Variants in MNAT1 observed in about 807,000 individuals in gnomAD.
MNAT1 encodes the protein CDK-activating kinase assembly factor MAT1.
In MNAT1, 43 loss-of-function variants were observed where a neutral mutation model predicts 42.0. That is an observed-to-expected ratio of 1.02 (90% CI 0.80 to 1.32). The LOEUF (loss-of-function observed/expected upper bound fraction) is 1.32, where lower values mean the gene tolerates loss of function less well. Ranked by LOEUF, MNAT1 falls within the 40% of genes most tolerant of loss-of-function variation. The probability of loss-of-function intolerance (pLI) is 0.00; values close to 1 mark genes in which losing one functional copy is unlikely to be tolerated. For missense variants in MNAT1, 306 were observed against 350.4 expected, an observed-to-expected ratio of 0.87 and a Z score of 1.01; for synonymous variants, 118 against 120.0, an observed-to-expected ratio of 0.98 and a Z score of 0.11.
intron 3 of MNAT1, among the ~76,000 whole-genome samples, chr14:60,799,693 T>TA (rs199618525): frequency 0.019 from 2,821 of 149,506 alleles, 79 homozygotes; most frequent in African/African-American, 0.061. Context: ...GAGCTATGAT[T>TA]AAAAAAATAT....
At chr14:60,778,209 T>A (rs144623272) in intron 1 of MNAT1, among the ~76,000 whole-genome samples, 16 of 152,334 alleles carry the variant, frequency 1.1e-4, no homozygotes, top group Non-Finnish European at 1.9e-4. Context: ...TAAAGTGCTA[T>A]GACCTACTCT....
intron 7 of MNAT1, among the ~76,000 whole-genome samples, chr14:60,946,944 G>A (rs189507735): frequency 5.7e-4 from 87 of 152,220 alleles, no homozygotes; most frequent in African/African-American, 1.9e-3. Context: ...CTCTCTTCCT[G>A]GCCTTCTATC....
chr14:60,959,151 C>G (rs2036542515), intron 7 of MNAT1, among the ~76,000 whole-genome samples: 1 of 152,180 alleles, frequency 6.6e-6, no homozygotes. Flanking sequence ...TCTGTTGTAG[C>G]TATGCTGACT....
chr14:60,887,332 G>A (rs1346914994), intron 7 of MNAT1, among the ~76,000 whole-genome samples: 2 of 150,850 alleles, frequency 1.3e-5, no homozygotes, highest in Non-Finnish European at 1.5e-5. Flanking sequence ...CTGGTGTGCT[G>A]TACCCATTAA....
chr14:60,943,950 A>G (rs1490861236), intron 7 of MNAT1, among the ~76,000 whole-genome samples: 2 of 152,228 alleles, frequency 1.3e-5, no homozygotes, highest in African/African-American at 4.8e-5. Context: ...AGTGTTATTC[A>G]TATAAGTTTT....
intron 4 of MNAT1, chr14:60,808,649 T>C (rs968234389): frequency 3.6e-6 from 1 of 278,666 alleles, no homozygotes. Flanking sequence ...CTGTGCTTTC[T>C]TAAGGAAGTG....
intron 4 of MNAT1, among the ~76,000 whole-genome samples, chr14:60,811,073 A>G (rs928127626): frequency 6.6e-6 from 1 of 151,966 alleles, no homozygotes; most frequent in Admixed American, 6.6e-5. Context: ...TCCTTTTATC[A>G]TTATATAATG....
intron 6 of MNAT1, among the ~76,000 whole-genome samples, chr14:60,874,551 C>CT (rs1194865540): frequency 2.6e-5 from 4 of 151,934 alleles, no homozygotes; most frequent in Admixed American, 2.0e-4. Flanking sequence ...GATATTCTAT[C>CT]TTTTTTTCTG....
rs146096639 is a variant in MNAT1 at position 60,965,112 on chromosome 14, C to G, written c.810-3117C>G. ...TAAGCAGGACTCTCAACGACTCATA[C>G]TCACAGACATGTTTAATGTAAATGA... On this transcript the variant is annotated intron_variant, in intron 7 of 7. Transcript: ENST00000261245. Among the ~76,000 whole-genome samples the G allele has an allele frequency of 4.6e-5, 7 of 152,280 alleles. No homozygotes were observed. The East Asian group carries it at 1.3e-3, about 29-fold the overall frequency.
intron 6 of MNAT1, among the ~76,000 whole-genome samples, chr14:60,864,091 A>AT (rs2034154613): frequency 6.6e-6 from 1 of 152,040 alleles, no homozygotes; most frequent in South Asian, 2.1e-4. Flanking sequence ...GTTGTAGCAC[A>AT]TCTCAGTAAA....
intron 7 of MNAT1, among the ~76,000 whole-genome samples, chr14:60,922,549 T>C (rs2035683282): frequency 1.3e-5 from 2 of 152,116 alleles, no homozygotes; most frequent in South Asian, 4.1e-4. Flanking sequence ...AAGCTTTAAC[T>C]TGAGGTCTCT....
chr14:60,922,299 A>G (rs1232309104), intron 7 of MNAT1, among the ~76,000 whole-genome samples: 1 of 152,106 alleles, frequency 6.6e-6, no homozygotes, highest in Non-Finnish European at 1.5e-5. Context: ...TCATGATGTA[A>G]AGGAGAAATG....
At chr14:60,965,352 G>A (rs2036662490) in intron 7 of MNAT1, among the ~76,000 whole-genome samples, 1 of 152,170 alleles carries the variant, frequency 6.6e-6, no homozygotes, top group Non-Finnish European at 1.5e-5. Flanking sequence ...CAAGGAGTAT[G>A]ACTGTTTATA....
chr14:60,929,164 AAAAAAAATATATATAT>A, intron 7 of MNAT1, among the ~76,000 whole-genome samples: 1 of 119,356 alleles, frequency 8.4e-6, no homozygotes, highest in South Asian at 2.6e-4. Context: ...AAAAAAAAAA[AAAAAAAATATATATAT>A]ATATATATAT....
chr14:60,842,612 G>A (rs1207082667), intron 6 of MNAT1, among the ~76,000 whole-genome samples: 2 of 152,162 alleles, frequency 1.3e-5, no homozygotes, highest in African/African-American at 4.8e-5. Context: ...ATGGTCATAT[G>A]CAGGAGAAGC....
At chr14:60,828,288 A>C (rs1252899319) in intron 6 of MNAT1, among the ~76,000 whole-genome samples, 1 of 152,122 alleles carries the variant, frequency 6.6e-6, no homozygotes, top group Admixed American at 6.5e-5. Flanking sequence ...ATTTTATAAA[A>C]CTCTCAGGAT....
intron 1 of MNAT1, among the ~76,000 whole-genome samples, chr14:60,779,450 T>A (rs975397305): frequency 6.6e-6 from 1 of 152,122 alleles, no homozygotes; most frequent in Non-Finnish European, 1.5e-5. Flanking sequence ...TTTGTCTTCT[T>A]CTCTTGAAAG....
intron 7 of MNAT1, among the ~76,000 whole-genome samples, chr14:60,927,131 A>C (rs4151356): frequency 6.6e-6 from 1 of 152,158 alleles, no homozygotes; most frequent in Non-Finnish European, 1.5e-5. Flanking sequence ...AAGGAAAACT[A>C]TATCTTCTGA....
At chr14:60,758,751 A>G (rs2030471961) in intron 1 of MNAT1, among the ~76,000 whole-genome samples, 1 of 152,152 alleles carries the variant, frequency 6.6e-6, no homozygotes, top group Non-Finnish European at 1.5e-5. Flanking sequence ...GAGGAAAACA[A>G]ATTTGTACCC....
Sources: gnomAD v4.1 joint callset for allele counts (sites outside exome capture counted in the v4.1 genomes callset) on GRCh38, gnomAD v4.1.1 for gene constraint, MANE v1.5 for transcripts, NCBI Gene and HGNC (gene_info 2026-07-23, HGNC 2026-07-21) for gene names.